Variants in PAX9 observed in about 807,000 individuals in gnomAD.
PAX9 encodes the protein paired box protein Pax-9.
PAX9 carries 6 observed loss-of-function variants against 29.1 expected under a neutral mutation model. The observed-to-expected ratio is 0.21, with a 90% confidence interval of 0.11 to 0.41. PAX9 has a LOEUF of 0.41. PAX9 is among the 10% of genes least tolerant of loss of function. PAX9 has a pLI of 1.00. For missense variants in PAX9, 443 were observed against 479.1 expected (o/e 0.92, Z 0.70); for synonymous variants, 217 against 211.7 (o/e 1.03, Z -0.22).
At chr14:36,673,047 G>T (rs1384260931) in intron 3 of PAX9, among the ~76,000 whole-genome samples, 2 of 150,956 alleles carry the variant, frequency 1.3e-5, no homozygotes, top group Non-Finnish European at 3.0e-5. Context: ...TGCGTTTTTA[G>T]TAGAGACGGG....
upstream of PAX9, among the ~76,000 whole-genome samples, chr14:36,658,381 G>GC (rs1437755922): frequency 6.6e-6 from 1 of 151,726 alleles, no homozygotes; most frequent in Admixed American, 6.6e-5. Context: ...CTTGGGGGGG[G>GC]GGGGTCCTGT....
At chr14:36,668,073 T>C (rs1881571009) in intron 3 of PAX9, among the ~76,000 whole-genome samples, 2 of 152,216 alleles carry the variant, frequency 1.3e-5, no homozygotes, top group Admixed American at 1.3e-4. Flanking sequence ...TATTAAGTAT[T>C]GTCTGTGGTT....
chr14:36,661,180 C>A (rs1357313750), upstream of PAX9, among the ~76,000 whole-genome samples: 2 of 152,224 alleles, frequency 1.3e-5, no homozygotes, highest in African/African-American at 4.8e-5. Context: ...CCGCACACGG[C>A]GTGGCCCGTG....
upstream of PAX9, chr14:36,657,738 A>T (rs1881083445): frequency 6.6e-6 from 1 of 152,174 alleles, no homozygotes; most frequent in Non-Finnish European, 1.5e-5. Flanking sequence ...TACCTAGTGG[A>T]GCCGCGGAGA....
intron 2 of PAX9, among the ~76,000 whole-genome samples, chr14:36,665,195 C>A (rs892634681): frequency 5.0e-5 from 7 of 139,478 alleles, no homozygotes; most frequent in Admixed American, 1.4e-4. Context: ...AAAAGGCTGA[C>A]AGAGTTTAAA....
Position 36,663,338 on chromosome 14 carries a change from C to A in PAX9, c.446C>A (p.Thr149Lys). The change falls in exon 2 of 4, where the codon ACG becomes AAG. Residue 149 changes from threonine to lysine, a missense_variant. This residue lies in a region of PAX9 where 336 missense variants were observed against 317.2 expected (regional missense o/e 1.06). Coordinates refer to ENST00000361487, the MANE Select transcript of PAX9 (RefSeq NM_001372076.1). ...HYDSYKQHQP[T>K]PQPALPYNHI... is the part of the protein sequence containing the mutation. ...GACTCATACAAGCAGCACCAGCCGACGCCGCAGCCAGCGCTGCCCTACAAC... is the reference window on the plus strand; with the variant it reads ...GACTCATACAAGCAGCACCAGCCGAAGCCGCAGCCAGCGCTGCCCTACAAC... 1 of 1,614,146 alleles carries A rather than the reference C, an allele frequency of 6.2e-7. No individual in the cohort carries two copies. The highest frequency in any genetic ancestry group is 8.5e-7 in the Non-Finnish European group (1 of 1,180,040).
Position 36,678,749 on chromosome 14 carries a change from T to C in PAX9, c.*2297T>C. ...TTGTTATTGTGCTATTTATAATTTT[T>C]TTCTGGTTCTTGTATTTTAAAAAAT... On this transcript the variant is annotated 3_prime_UTR_variant, in exon 4 of 4. Coordinates refer to ENST00000361487, the MANE Select transcript of PAX9 (RefSeq NM_001372076.1). 8.8e-7 allele frequency: 1 copy of C among 1,134,770 alleles called. No homozygotes were observed. The highest frequency in any genetic ancestry group is 4.1e-5 in the East Asian group (1 of 24,442). The allele number at this position is 1,134,770 out of a possible 1,614,324, so 70.3% of individuals were successfully genotyped here.
In PAX9 at chr14:36,666,774, C is replaced by G. The variant is rs1881512393; in HGVS notation, c.771+173C>G. Among the ~76,000 whole-genome samples the G allele has an allele frequency of 2.0e-5, 3 of 152,344 alleles. No homozygotes were observed. In the South Asian group the frequency reaches 6.2e-4, roughly 32 times the overall value. On this transcript the variant is annotated intron_variant, in intron 3 of 3. Coordinates refer to ENST00000361487, the MANE Select transcript of PAX9 (RefSeq NM_001372076.1). ...ACTGGGGCGAAGCAGAGGCCTGAGC[C>G]TTGGAAGGCGGAGCTGGGGCCTCGA...
Position 36,676,479 on chromosome 14 carries a change from A to T in PAX9, c.*27A>T. On this transcript the variant is annotated 3_prime_UTR_variant, in exon 4 of 4. Coordinates refer to ENST00000361487, the MANE Select transcript of PAX9 (RefSeq NM_001372076.1). ...GGGAAATTCCGTCTCCAGCAGCTTC[A>T]CCCGGGTCTCCCTGTCTCAGCACCT... is the stretch of plus-strand genomic sequence containing the variant. 6.2e-7 allele frequency: 1 copy of T among 1,608,012 alleles called. No individual in the cohort carries two copies. The highest frequency in any genetic ancestry group is 1.3e-5 in the African/African-American group (1 of 74,954).
upstream of PAX9, among the ~76,000 whole-genome samples, chr14:36,661,075 G>A (rs1418995581): frequency 6.6e-6 from 1 of 152,276 alleles, no homozygotes; most frequent in Non-Finnish European, 1.5e-5. Context: ...GGCTGAATGT[G>A]GCAGAGCCTT....
chr14:36,659,160 G>C (rs142231823), upstream of PAX9, among the ~76,000 whole-genome samples: 1 of 152,180 alleles, frequency 6.6e-6, no homozygotes, highest in Non-Finnish European at 1.5e-5. Flanking sequence ...TCTCCTTTTA[G>C]TCGAAATTCT....
Position 36,678,483 on chromosome 14 carries a change from G to C in PAX9, c.*2031G>C. ...CTTCCATTGACATCTGGAGTTCCCAGTCTGGTGAGAAAATAGACTATAAAC... is the reference window on the plus strand; with the variant it reads ...CTTCCATTGACATCTGGAGTTCCCACTCTGGTGAGAAAATAGACTATAAAC... On this transcript the variant is annotated 3_prime_UTR_variant, in exon 4 of 4. Coordinates refer to ENST00000361487, the MANE Select transcript of PAX9 (RefSeq NM_001372076.1). 6.5e-7 allele frequency: 1 copy of C among 1,536,674 alleles called. No homozygotes were observed. Among genetic ancestry groups the C allele is most frequent in the African/African-American group, 1.4e-5 (1 of 73,134 alleles).
At chr14:36,661,604 C>A, upstream of PAX9, 1 of 202,948 alleles carries the variant, frequency 4.9e-6, no homozygotes, top group Non-Finnish European at 1.0e-5. Context: ...CAAACGCTTT[C>A]ATTTGTTTAT....
chr14:36,666,616 G>A lies in PAX9; in HGVS notation c.771+15G>A, dbSNP rs1881503179. On this transcript the variant is annotated intron_variant, in intron 3 of 3. Transcript: ENST00000361487. ...AGTACGGTCAGGTGAGGAGGCGAGG[G>A]TCAGGCCAGGTGGGCCGCGTGGCGG... The A allele has an allele frequency of 2.6e-6, 4 of 1,558,416 alleles. No individual in the cohort carries two copies. The highest frequency in any genetic ancestry group is 1.2e-5 in the South Asian group (1 of 84,688).
At chr14:36,673,361 T>C (rs960799429) in intron 3 of PAX9, among the ~76,000 whole-genome samples, 7 of 152,192 alleles carry the variant, frequency 4.6e-5, no homozygotes, top group Non-Finnish European at 8.8e-5. Flanking sequence ...TGGACAAACA[T>C]GGAAAAATTT....
At chr14:36,675,284 G>A (rs1436406498) in intron 3 of PAX9, among the ~76,000 whole-genome samples, 4 of 152,184 alleles carry the variant, frequency 2.6e-5, no homozygotes, top group Non-Finnish European at 1.5e-5. Context: ...TTAAAAATCA[G>A]GGTGTTTTTA....
chr14:36,660,973 T>A (rs1050726963), upstream of PAX9, among the ~76,000 whole-genome samples: 8 of 152,250 alleles, frequency 5.3e-5, no homozygotes, highest in African/African-American at 1.9e-4. Context: ...ACTAAGTCTC[T>A]TTCATATTTA....
upstream of PAX9, among the ~76,000 whole-genome samples, chr14:36,659,309 C>A (rs1428942619): frequency 6.6e-6 from 1 of 152,110 alleles, no homozygotes; most frequent in Non-Finnish European, 1.5e-5. Context: ...TCTCTCTTTT[C>A]CTTCCTTCAT....
At chr14:36,665,977 C>G (rs1881471903) in intron 2 of PAX9, 1 of 164,074 alleles carries the variant, frequency 6.1e-6, no homozygotes, top group Non-Finnish European at 1.3e-5. Context: ...CAGATCCCCA[C>G]AGTGCAGTGA....
Sources: allele counts gnomAD v4.1 joint callset (sites outside exome capture counted in the v4.1 genomes callset), GRCh38; gene constraint gnomAD v4.1.1; regional missense constraint gnomAD v4.1.1; transcripts MANE v1.5; gene names NCBI Gene and HGNC (gene_info 2026-07-23, HGNC 2026-07-21).